Variants in TBC1D8 observed in about 807,000 individuals in gnomAD.
TBC1D8 encodes BUB2-like protein 1.
In TBC1D8, 65 loss-of-function variants were observed where a neutral mutation model predicts 118.8. That is an observed-to-expected ratio of 0.55 (90% CI 0.45 to 0.67). TBC1D8 has a LOEUF of 0.67. TBC1D8 is among the 30% of genes least tolerant of loss of function. TBC1D8 has a pLI of 0.00. For missense variants in TBC1D8, 1,376 were observed against 1,471.2 expected, an observed-to-expected ratio of 0.94 and a Z score of 1.06; for synonymous variants, 566 against 595.8, an observed-to-expected ratio of 0.95 and a Z score of 0.73.
At chr2:101,095,918 C>T (rs1407048619) in intron 1 of TBC1D8, among the ~76,000 whole-genome samples, 3 of 152,020 alleles carry the variant, frequency 2.0e-5, no homozygotes, top group Non-Finnish European at 4.4e-5. Context: ...GGGACACAGG[C>T]CCATGGAAGA....
chr2:101,080,333 C>A (rs1675178993), intron 2 of TBC1D8, among the ~76,000 whole-genome samples: 1 of 152,082 alleles, frequency 6.6e-6, no homozygotes, highest in South Asian at 2.1e-4. Flanking sequence ...CCCAGACTTT[C>A]CTTGAAGCAC....
intron 12 of TBC1D8, among the ~76,000 whole-genome samples, chr2:101,028,961 C>T (rs1228910841): frequency 2.6e-5 from 4 of 152,196 alleles, no homozygotes; most frequent in African/African-American, 7.2e-5. Flanking sequence ...GCATCTATGG[C>T]CCTGCTCTTC....
At chr2:101,079,584 C>G (rs56379554) in intron 2 of TBC1D8, among the ~76,000 whole-genome samples, 44,996 of 150,002 alleles carry the variant, frequency 0.3, 6,906 homozygotes, top group East Asian at 0.38. Flanking sequence ...CTATGCCACC[C>G]AAGTTGGTCT....
At chr2:101,119,013 C>T (rs1354380519) in intron 1 of TBC1D8, among the ~76,000 whole-genome samples, 5 of 151,606 alleles carry the variant, frequency 3.3e-5, no homozygotes, top group Non-Finnish European at 7.4e-5. Flanking sequence ...CTGTCTCTGC[C>T]CCCCCAAAAA....
intron 2 of TBC1D8, among the ~76,000 whole-genome samples, chr2:101,072,920 T>TCA (rs1260895271): frequency 6.6e-6 from 1 of 151,922 alleles, no homozygotes; most frequent in African/African-American, 2.4e-5. Context: ...ACGTTGGAGG[T>TCA]CACATTTCAA....
chr2:101,039,774 G>A (rs894086569), intron 6 of TBC1D8, among the ~76,000 whole-genome samples: 1 of 152,024 alleles, frequency 6.6e-6, no homozygotes, highest in Non-Finnish European at 1.5e-5. Context: ...TTTAAAAGGT[G>A]ATGCTTTTTG....
chr2:101,018,012 A>G, intron 17 of TBC1D8: 1 of 1,378,452 alleles, frequency 7.3e-7, no homozygotes, highest in African/African-American at 1.4e-5. Context: ...TACTTCAAGC[A>G]TGTGCTCATT....
Position 101,037,285 on chromosome 2 carries a change from G to A in TBC1D8, c.1452+247C>T, listed in dbSNP as rs13387014. 2.6e-3 allele frequency among the ~76,000 whole-genome samples: 396 copies of A among 152,336 alleles called. 3 individuals carry two copies. The highest frequency in any genetic ancestry group is 8.4e-3 in the African/African-American group (348 of 41,576). On this transcript the variant is annotated intron_variant, in intron 8 of 19. Coordinates refer to ENST00000409318, the MANE Select transcript of TBC1D8 (RefSeq NM_001330348.2). ...TGCCTGGAGACCCCCAAGGGGCAGC[G>A]CGGCCAGCTCCGCAGGCCCCACAGC...
intron 7 of TBC1D8, 103 bp from the exon 8 acceptor site, chr2:101,037,811 A>C (rs1681118481): frequency 7.0e-7 from 1 of 1,428,284 alleles, no homozygotes; most frequent in South Asian, 1.2e-5. Context: ...GCACGGGCAT[A>C]GCAGACTTCA....
chr2:101,054,895 T>A (rs1682326561), intron 3 of TBC1D8, among the ~76,000 whole-genome samples: 1 of 150,408 alleles, frequency 6.6e-6, no homozygotes, highest in Non-Finnish European at 1.5e-5. Context: ...TTGGTCAGGC[T>A]GGTCTCGAAC....
chr2:101,072,494 C>T (rs1306841216), intron 2 of TBC1D8, among the ~76,000 whole-genome samples: 1 of 152,092 alleles, frequency 6.6e-6, no homozygotes, highest in East Asian at 1.9e-4. Context: ...TGGCACTAAG[C>T]CAGCAGTCCC....
chr2:101,088,219 T>C (rs998638778), intron 2 of TBC1D8, among the ~76,000 whole-genome samples: 12 of 152,130 alleles, frequency 7.9e-5, no homozygotes, highest in Middle Eastern at 3.2e-3. Flanking sequence ...TTTGGGTGGC[T>C]GGGATTTGGG....
At chr2:101,061,994 C>T (rs1165912402) in intron 2 of TBC1D8, among the ~76,000 whole-genome samples, 3 of 152,230 alleles carry the variant, frequency 2.0e-5, no homozygotes, top group Non-Finnish European at 4.4e-5. Context: ...TCGTAACACA[C>T]GCCATGCTGG....
intron 11 of TBC1D8, 35 bp from the exon 12 acceptor site, chr2:101,029,811 T>G (rs1393311580): frequency 3.2e-5 from 51 of 1,597,740 alleles, no homozygotes; most frequent in Non-Finnish European, 4.4e-5. Context: ...CTGGCTGGGG[T>G]AGGACTCACT....
intron 2 of TBC1D8, among the ~76,000 whole-genome samples, chr2:101,061,255 T>C (rs1682738990): frequency 6.6e-6 from 1 of 150,474 alleles, no homozygotes; most frequent in Admixed American, 6.6e-5. Flanking sequence ...CTGCATGTTA[T>C]GTGCAGCCTT....
intron 2 of TBC1D8, chr2:101,068,642 T>C: frequency 3.8e-6 from 2 of 519,798 alleles, no homozygotes; most frequent in East Asian, 3.9e-5. Flanking sequence ...AAAGGAACAA[T>C]GGCAAATAAC....
chr2:101,007,871 A>T lies in TBC1D8; in HGVS notation c.3418T>A (p.Phe1140Ile), dbSNP rs771908025. 19 of 1,599,052 alleles carry T rather than the reference A, an allele frequency of 1.2e-5. No homozygotes were observed. Among genetic ancestry groups the T allele is most frequent in the Non-Finnish European group, 1.6e-5 (19 of 1,179,810 alleles). Residue 1140 changes from phenylalanine (F) to isoleucine (I), a missense_variant, in exon 20 of 20, where the codon TTT (phenylalanine) becomes ATT (isoleucine). Physicochemically the swap from Phe to Ile is conservative, Grantham distance 21 (BLOSUM62 0). Coordinates refer to ENST00000409318, the MANE Select transcript of TBC1D8 (RefSeq NM_001330348.2). ...GATTGTGATTGGTGGCTCATTTCAAAAGTTTTGAGATTGTACTGATTGATC... is the reference window on the plus strand; with the variant it reads ...GATTGTGATTGGTGGCTCATTTCAATAGTTTTGAGATTGTACTGATTGATC... ...AKINQYNLKT[F>I]EMSHQSQSEL...
chr2:101,065,945 C>T (rs1186859024), intron 2 of TBC1D8, among the ~76,000 whole-genome samples: 1 of 151,962 alleles, frequency 6.6e-6, no homozygotes, highest in African/African-American at 2.4e-5. Flanking sequence ...AGAAATGACA[C>T]AAAAAATAGA....
chr2:101,109,999 T>C, intron 1 of TBC1D8: 1 of 985,448 alleles, frequency 1.0e-6, no homozygotes, highest in African/African-American at 1.7e-5. Context: ...TGTCTGGCGC[T>C]ACAGGAAAAT....
Sources: gnomAD v4.1 joint callset for allele counts (sites outside exome capture counted in the v4.1 genomes callset) on GRCh38, gnomAD v4.1.1 for gene constraint, MANE v1.5 for transcripts, NCBI Gene and HGNC (gene_info 2026-07-23, HGNC 2026-07-21) for gene names.